CLBA1: variants seen among roughly 807,000 people sequenced by gnomAD.
CLBA1 encodes clathrin binding box of aftiphilin containing 1.
CLBA1 carries 30 observed loss-of-function variants against 28.8 expected under a neutral mutation model. That is an observed-to-expected ratio of 1.04 (90% CI 0.78 to 1.41). The LOEUF (loss-of-function observed/expected upper bound fraction) is 1.41, where lower values mean the gene tolerates loss of function less well. Ranked by LOEUF, CLBA1 falls within the 40% of genes most tolerant of loss-of-function variation. The pLI is 0.00. For synonymous variants in CLBA1, 160 were observed against 152.8 expected, an observed-to-expected ratio of 1.05 and a Z score of -0.35; for missense variants, 451 against 412.3, an observed-to-expected ratio of 1.09 and a Z score of -0.81.
At position 104,991,638 on chromosome 14, in the gene CLBA1, A is replaced by C; in HGVS notation, c.699+18A>C. The C allele has an allele frequency of 1.9e-6, 3 of 1,597,328 alleles. No homozygotes were observed. The highest frequency in any genetic ancestry group is 2.6e-6 in the Non-Finnish European group (3 of 1,171,230). ...CGCAGAAGGTAGGCGGTTTGGGTTG[A>C]CACAGGGCTCCTGGGAGTGTGGTTG... On this transcript the variant is annotated intron_variant, in intron 3 of 4. Transcript: ENST00000547315.
chr14:104,997,879 C>T (rs1566935003), downstream of CLBA1, among the ~76,000 whole-genome samples: 2 of 152,006 alleles, frequency 1.3e-5, no homozygotes, highest in African/African-American at 4.8e-5. Context: ...CGTGGTGGCG[C>T]ATGCCTGTAA....
chr14:105,000,210 C>T (rs180916750), downstream of CLBA1, among the ~76,000 whole-genome samples: 138 of 151,802 alleles, frequency 9.1e-4, 1 homozygote, highest in African/African-American at 3.3e-3. Context: ...ACTCAAACAA[C>T]GTAACAGGAA....
rs886712926 is a variant in CLBA1 at position 104,986,954 on chromosome 14, C to T, written c.423+100C>T. 5.1e-6 allele frequency: 7 copies of T among 1,376,242 alleles called. No homozygotes were observed. The African/African-American group carries it at 5.8e-5, about 11-fold the overall frequency. 85.3% of individuals were successfully genotyped at this position (1,376,242 alleles called of 1,614,324 possible). On this transcript the variant is annotated intron_variant, in intron 1 of 4. Transcript: ENST00000547315. ...TGTGGCGTGCTGGCCAGGGAGGGGGCTGACAGCCCCAGAGCGTCTGCTTCT... is the reference window on the plus strand; with the variant it reads ...TGTGGCGTGCTGGCCAGGGAGGGGGTTGACAGCCCCAGAGCGTCTGCTTCT...
chr14:104,997,517 G>T (rs942617570), downstream of CLBA1, among the ~76,000 whole-genome samples: 1 of 152,198 alleles, frequency 6.6e-6, no homozygotes, highest in African/African-American at 2.4e-5. Flanking sequence ...CTCTGTAACT[G>T]CAAGGAGGTG....
chr14:104,990,551 A>C (rs761815619), intron 2 of CLBA1: 1 of 152,230 alleles, frequency 6.6e-6, no homozygotes, highest in African/African-American at 2.4e-5. Flanking sequence ...TGCCCTCCTC[A>C]GTCTCCCAAA....
chr14:104,989,118 C>T, intron 2 of CLBA1, 30 bp downstream of exon 2: 2 of 1,594,786 alleles, frequency 1.3e-6, no homozygotes, highest in Non-Finnish European at 1.7e-6. Context: ...TTTCTTACAG[C>T]AACTGCTTTT....
chr14:104,998,496 A>C (rs945806027), downstream of CLBA1, among the ~76,000 whole-genome samples: 1 of 152,154 alleles, frequency 6.6e-6, no homozygotes, highest in African/African-American at 2.4e-5. Context: ...GGTTAGAGAC[A>C]GGGTCTTACG....
downstream of CLBA1, chr14:104,999,352 CT>C: frequency 3.6e-6 from 2 of 557,230 alleles, no homozygotes; most frequent in Non-Finnish European, 4.6e-6. Context: ...GGGACATGGC[CT>C]TCAGAGGCTT....
At chr14:104,993,420 C>T in intron 4 of CLBA1, 1 of 985,374 alleles carries the variant, frequency 1.0e-6, no homozygotes, top group Non-Finnish European at 1.2e-6. Context: ...GACTGTTGGG[C>T]CAGGGGATGT....
At chr14:104,991,413 G>GCGTGCCTCGGGC (rs1291059883) in intron 2 of CLBA1, 78 bp from the exon 3 acceptor site, 15 of 1,581,100 alleles carry the variant, frequency 9.5e-6, no homozygotes, top group Non-Finnish European at 1.3e-5. Context: ...GCGCCCCGCT[G>GCGTGCCTCGGGC]CGTGCCTCGG....
chr14:104,991,953 G>GCCACGCACATGCCA (rs1900037596), intron 3 of CLBA1, among the ~76,000 whole-genome samples: 1 of 145,298 alleles, frequency 6.9e-6, no homozygotes, highest in Non-Finnish European at 1.5e-5. Flanking sequence ...CGCACACGCC[G>GCCACGCACATGCCA]CCACGCACAC....
At position 104,985,815 on chromosome 14, in the gene CLBA1, G is replaced by C. The variant is rs754404523; in HGVS notation, c.-617G>C. On this transcript the variant is annotated 5_prime_UTR_variant, in exon 1 of 5. Transcript: ENST00000547315. The stretch of plus-strand genomic sequence containing the variant: ...GCAACGGGGCGGCGCAGGCAGGAGG[G>C]AACGGCTGGTTGCAGGTTTCTCTCG... 3.3e-6 allele frequency: 1 copy of C among 303,036 alleles called. No individual in the cohort carries two copies. The highest frequency in any genetic ancestry group is 2.2e-5 in the South Asian group (1 of 46,132). 18.8% of individuals were successfully genotyped at this position (303,036 alleles called of 1,614,324 possible).
chr14:104,995,628 A>C (rs1900143850), downstream of CLBA1: 1 of 385,808 alleles, frequency 2.6e-6, no homozygotes, highest in African/African-American at 2.2e-5. Flanking sequence ...TTTCCTGCCA[A>C]GGCCACACAG....
downstream of CLBA1, chr14:104,995,590 T>A (rs1401840412): frequency 3.7e-5 from 31 of 827,698 alleles, no homozygotes; most frequent in Non-Finnish European, 4.5e-5. Context: ...CCTGAAGTCT[T>A]AAGCAAGCAG....
In CLBA1 at chr14:104,985,804, C is replaced by G. The variant is rs1322894564; in HGVS notation, c.-628C>G. The G allele has an allele frequency of 6.8e-6, 2 of 292,124 alleles. No homozygotes were observed. Among genetic ancestry groups the G allele is most frequent in the South Asian group, 2.3e-5 (1 of 44,198 alleles). 18.1% of individuals were successfully genotyped at this position (292,124 alleles called of 1,614,324 possible). ...GCCGTTGCCAGGCAACGGGGCGGCGCAGGCAGGAGGGAACGGCTGGTTGCA... is the reference window on the plus strand; with the variant it reads ...GCCGTTGCCAGGCAACGGGGCGGCGGAGGCAGGAGGGAACGGCTGGTTGCA... On this transcript the variant is annotated 5_prime_UTR_variant, in exon 1 of 5. Coordinates refer to ENST00000547315, the MANE Select transcript of CLBA1 (RefSeq NM_174891.4).
chr14:104,988,020 A>C (rs1393910529), intron 1 of CLBA1, among the ~76,000 whole-genome samples: 3 of 152,044 alleles, frequency 2.0e-5, no homozygotes, highest in Non-Finnish European at 4.4e-5. Context: ...GCTTGTTTTG[A>C]ATACAGGATT....
downstream of CLBA1, chr14:104,999,356 A>T (rs1900224779): frequency 5.6e-6 from 3 of 536,156 alleles, no homozygotes; most frequent in Non-Finnish European, 7.2e-6. Context: ...CATGGCCTTC[A>T]GAGGCTTTGG....
In CLBA1 at chr14:104,995,089, C is replaced by T; in HGVS notation, c.*330C>T. The T allele has an allele frequency of 3.9e-6, 4 of 1,021,320 alleles. No homozygotes were observed. Among genetic ancestry groups the T allele is most frequent in the Non-Finnish European group, 4.7e-6 (4 of 853,562 alleles). The allele number at this position is 1,021,320 out of a possible 1,614,324, so 63.3% of individuals were successfully genotyped here. ...GCCCAGGGATGGACCCTGGGCATGG[C>T]TTCTGGGCTGCTTAGTCCAGGGGGA... On this transcript the variant is annotated 3_prime_UTR_variant, in exon 5 of 5. Coordinates refer to ENST00000547315, the MANE Select transcript of CLBA1 (RefSeq NM_174891.4).
In CLBA1 at chr14:104,986,468, A is replaced by C. The variant is rs765226220; in HGVS notation, c.37A>C (p.Ser13Arg). ...GCGGGAGCTGGGGGGAGAGCCTTTG[A>C]GTGACCTCCAGGAGGAAGCAGCCAG... ...GRRELGGEPLSDLQEEAASAS... is the reference protein window; with the variant it reads ...GRRELGGEPLRDLQEEAASAS... The change falls in exon 1 of 5, where the codon AGT becomes CGT. Residue 13 changes from serine to arginine, a missense_variant. Coordinates refer to ENST00000547315, the MANE Select transcript of CLBA1 (RefSeq NM_174891.4). 1 of 1,613,126 alleles carries C rather than the reference A, an allele frequency of 6.2e-7. No homozygotes were observed. The highest frequency in any genetic ancestry group is 1.7e-5 in the Admixed American group (1 of 60,030).
Sources: allele counts gnomAD v4.1 joint callset (sites outside exome capture counted in the v4.1 genomes callset), GRCh38; gene constraint gnomAD v4.1.1; transcripts MANE v1.5; gene names NCBI Gene and HGNC (gene_info 2026-07-23, HGNC 2026-07-21).